Variants in TOR1AIP2 observed in about 807,000 individuals in gnomAD.
TOR1AIP2 encodes the protein torsin 1A interacting protein 2.
TOR1AIP2 carries 20 observed loss-of-function variants against 32.6 expected under a neutral mutation model. The ratio of observed to expected loss-of-function variants is 0.61; its 90% CI spans 0.43 to 0.89. The LOEUF is 0.89. Ranked by LOEUF, TOR1AIP2 falls within the 40% of genes least tolerant of loss-of-function variation. The pLI, the probability that TOR1AIP2 is intolerant of heterozygous loss-of-function variation, is 0.00. For missense variants in TOR1AIP2, 456 were observed against 553.8 expected, an observed-to-expected ratio of 0.82 and a Z score of 1.77; for synonymous variants, 214 against 210.8, an observed-to-expected ratio of 1.02 and a Z score of -0.13.
At chr1:179,855,188 TAAATA>T (rs1444406811) in intron 3 of TOR1AIP2, among the ~76,000 whole-genome samples, 2 of 152,194 alleles carry the variant, frequency 1.3e-5, no homozygotes, top group Non-Finnish European at 2.9e-5. Context: ...AAGGGTTTCT[TAAATA>T]AGATATACAA....
rs1281411 is a variant in TOR1AIP2, at chr1:179,845,322, A to G, written c.*749T>C. 3 of 152,000 alleles carry G rather than the reference A, an allele frequency of 2.0e-5. No individual in the cohort carries two copies. Among genetic ancestry groups the G allele is most frequent in the Non-Finnish European group, 4.4e-5 (3 of 67,960 alleles). The allele number at this position is 152,000 out of a possible 1,614,324, so 9.4% of individuals were successfully genotyped here. On this transcript the variant is annotated 3_prime_UTR_variant, in exon 7 of 7. Transcript: ENST00000609928. The stretch of plus-strand genomic sequence containing the variant: ...GCCAGTAGACACAGTTTGAAAATCA[A>G]TGCTGTAAATTGTTCAAGAAAAGCT...
intron 2 of TOR1AIP2, among the ~76,000 whole-genome samples, chr1:179,866,476 A>G (rs1400862015): frequency 6.6e-6 from 1 of 152,062 alleles, no homozygotes; most frequent in Non-Finnish European, 1.5e-5. Flanking sequence ...GCAATGGCAC[A>G]ATCTTGGCTT....
At position 179,845,164 on chromosome 1, in the gene TOR1AIP2, A is replaced by G. The variant is rs1431354795; in HGVS notation, c.*907T>C. The G allele has an allele frequency of 6.6e-6, 1 of 152,192 alleles. No homozygotes were observed. Among genetic ancestry groups the G allele is most frequent in the African/African-American group, 2.4e-5 (1 of 41,464 alleles). 9.4% of individuals were successfully genotyped at this position (152,192 alleles called of 1,614,324 possible). A position where few individuals can be genotyped will look rare whatever the true frequency, so the allele number is the denominator to read the frequency against. On this transcript the variant is annotated 3_prime_UTR_variant, in exon 7 of 7. Coordinates refer to ENST00000609928, the MANE Select transcript of TOR1AIP2 (RefSeq NM_001199260.2). Reference sequence around the variant, plus strand: ...TTAAACATATTTCCTATCTTCTAAGATGTTTTTTCACTTAATCAATGGTTT... The same window carrying G: ...TTAAACATATTTCCTATCTTCTAAGGTGTTTTTTCACTTAATCAATGGTTT...
At position 179,846,029 on chromosome 1, in the gene TOR1AIP2, T is replaced by C; in HGVS notation, c.*42A>G. 6.4e-7 allele frequency: 1 copy of C among 1,550,588 alleles called. No homozygotes were observed. The highest frequency in any genetic ancestry group is 8.7e-7 in the Non-Finnish European group (1 of 1,147,790). Reference sequence around the variant, plus strand: ...AATGGAAGGTCTTTAAACAAACTTTTTCATAAACATATACCTTCTGTAACC... The same window carrying C: ...AATGGAAGGTCTTTAAACAAACTTTCTCATAAACATATACCTTCTGTAACC... On this transcript the variant is annotated 3_prime_UTR_variant, in exon 7 of 7. Coordinates refer to ENST00000609928, the MANE Select transcript of TOR1AIP2 (RefSeq NM_001199260.2).
At chr1:179,864,939 A>G in intron 3 of TOR1AIP2, 1 of 1,614,084 alleles carries the variant, frequency 6.2e-7, no homozygotes, top group African/African-American at 1.3e-5. Flanking sequence ...TCAAAGGTCC[A>G]TCTGGTGAGA....
chr1:179,863,772 A>G (rs1242876154), intron 3 of TOR1AIP2: 1 of 985,204 alleles, frequency 1.0e-6, no homozygotes, highest in Non-Finnish European at 1.2e-6. Context: ...AAAGCACTAG[A>G]TACCTAGATA....
At position 179,843,725 on chromosome 1, in the gene TOR1AIP2, G is replaced by A. The variant is rs1037671173; in HGVS notation, c.*2346C>T. On this transcript the variant is annotated 3_prime_UTR_variant, in exon 7 of 7. Transcript: ENST00000609928. ...AGTCCCGGCTACTCAGGAGGCTAAG[G>A]TGGGAGGATTGCTTGAGCCCAGGAG... 2.0e-5 allele frequency: 3 copies of A among 150,368 alleles called. No homozygotes were observed. The highest frequency in any genetic ancestry group is 7.4e-5 in the African/African-American group (3 of 40,604). 9.3% of individuals were successfully genotyped at this position (150,368 alleles called of 1,614,324 possible).
At chr1:179,870,399 C>CA (rs201371058) in intron 2 of TOR1AIP2, among the ~76,000 whole-genome samples, 3,251 of 140,932 alleles carry the variant, frequency 0.023, 111 homozygotes, top group African/African-American at 0.075. Context: ...ACTCCATTTC[C>CA]AAAAAAAAAA....
At chr1:179,870,911 T>C (rs1256057727) in intron 2 of TOR1AIP2, among the ~76,000 whole-genome samples, 1 of 152,278 alleles carries the variant, frequency 6.6e-6, no homozygotes, top group Non-Finnish European at 1.5e-5. Context: ...ACTTTATGAT[T>C]GTTAAACATA....
Position 179,843,685 on chromosome 1 carries a change from G to A in TOR1AIP2, c.*2386C>T, listed in dbSNP as rs1695798942. The A allele has an allele frequency of 6.6e-6, 1 of 151,590 alleles. No homozygotes were observed. The highest frequency in any genetic ancestry group is 2.1e-4 in the South Asian group (1 of 4,792). 9.4% of individuals were successfully genotyped at this position (151,590 alleles called of 1,614,324 possible). On this transcript the variant is annotated 3_prime_UTR_variant, in exon 7 of 7. Transcript: ENST00000609928. ...CAAAATAGTGTGGTAGAGTGGTGTG[G>A]TAGTCTGCACTTGTAGTCCCGGCTA...
chr1:179,863,670 T>C (rs1377458802), intron 3 of TOR1AIP2: 1 of 829,302 alleles, frequency 1.2e-6, no homozygotes, highest in Non-Finnish European at 1.3e-6. Context: ...CACTATTTTT[T>C]AAAAAGCAAA....
chr1:179,865,230 A>T, intron 3 of TOR1AIP2: 1 of 1,529,300 alleles, frequency 6.5e-7, no homozygotes, highest in Non-Finnish European at 8.8e-7. Context: ...GACAACAGTG[A>T]CAGAGAGAGA....
intron 5 of TOR1AIP2, among the ~76,000 whole-genome samples, chr1:179,849,717 A>C (rs970234681): frequency 1.3e-5 from 2 of 152,194 alleles, no homozygotes; most frequent in African/African-American, 4.8e-5. Flanking sequence ...TCAGCTTCCC[A>C]AGTAACTGGG....
intron 6 of TOR1AIP2, 76 bp downstream of exon 6, chr1:179,847,459 G>C (rs1443260763): frequency 4.2e-6 from 4 of 945,722 alleles, no homozygotes; most frequent in Non-Finnish European, 5.2e-6. Flanking sequence ...GTTTAAATCT[G>C]CTAGTTTTCT....
chr1:179,863,914 A>G (rs1558022369), intron 3 of TOR1AIP2: 1 of 985,420 alleles, frequency 1.0e-6, no homozygotes, highest in Non-Finnish European at 1.2e-6. Context: ...GCCAATGTTC[A>G]GCAGACCTCC....
intron 2 of TOR1AIP2, among the ~76,000 whole-genome samples, chr1:179,872,648 G>A (rs1284198874): frequency 1.3e-5 from 2 of 152,194 alleles, no homozygotes; most frequent in African/African-American, 4.8e-5. Flanking sequence ...AAATTCTACA[G>A]ATATTTTCTG....
rs1357431197 is a variant in TOR1AIP2 at position 179,840,457 on chromosome 1, C to T, written c.*5614G>A. The T allele has an allele frequency of 6.6e-6, 1 of 152,160 alleles. No individual in the cohort carries two copies. The highest frequency in any genetic ancestry group is 2.4e-5 in the African/African-American group (1 of 41,436). The allele number at this position is 152,160 out of a possible 1,614,324, so 9.4% of individuals were successfully genotyped here. On this transcript the variant is annotated 3_prime_UTR_variant, in exon 7 of 7. Transcript: ENST00000609928. ...GCCTCAGTGAGGAAAAGCAGGAGAC[C>T]ATTTGCCAAAATAAGAACCAATTTA...
chr1:179,865,836 CT>C lies in TOR1AIP2; in HGVS notation c.-548del, dbSNP rs1696749857. 6.5e-6 allele frequency: 1 copy of C among 152,688 alleles called. No individual in the cohort carries two copies. The highest frequency in any genetic ancestry group is 6.5e-5 in the Admixed American group (1 of 15,290). The allele number at this position is 152,688 out of a possible 1,614,324, so 9.5% of individuals were successfully genotyped here. The stretch of plus-strand genomic sequence containing the variant: ...GCTGATGCTCAGTTGGCTGAAGAGT[CT>C]GGGAATGCGTCACATACCTGTAAAT... On this transcript the variant is annotated 5_prime_UTR_variant, in exon 3 of 7. Transcript: ENST00000609928.
At chr1:179,859,287 T>C in intron 3 of TOR1AIP2, 2 of 823,366 alleles carry the variant, frequency 2.4e-6, no homozygotes, top group East Asian at 1.2e-4. Flanking sequence ...TTATGAGGTG[T>C]AGACTATTAA....
Sources: allele counts gnomAD v4.1 joint callset (sites outside exome capture counted in the v4.1 genomes callset), GRCh38; gene constraint gnomAD v4.1.1; transcripts MANE v1.5; gene names NCBI Gene and HGNC (gene_info 2026-07-23, HGNC 2026-07-21).